The following PRRC1 variants were observed in gnomAD, a reference collection of about 807,000 sequenced individuals.
PRRC1 encodes the protein proline rich coiled-coil 1.
A neutral mutation model predicts 40.7 loss-of-function variants in PRRC1; 39 were observed. The observed-to-expected ratio is 0.96, with a 90% CI of 0.74 to 1.25. The LOEUF is 1.25. PRRC1 is among the 50% of genes most tolerant of loss of function. PRRC1 has a pLI of 0.00. For missense variants in PRRC1, 573 were observed against 548.3 expected (o/e 1.05, Z -0.45); for synonymous variants, 175 against 193.3 (o/e 0.91, Z 0.79).
chr5:127,523,092 A>C (rs546501750), intron 1 of PRRC1, among the ~76,000 whole-genome samples: 1 of 152,290 alleles, frequency 6.6e-6, no homozygotes, highest in South Asian at 2.1e-4. Context: ...GATTATAGGC[A>C]TGGGACACCA....
chr5:127,552,785 A>C lies in PRRC1; in HGVS notation c.*869A>C. 1 of 985,364 alleles carries C rather than the reference A, an allele frequency of 1.0e-6. No individual in the cohort carries two copies. Among genetic ancestry groups the C allele is most frequent in the Non-Finnish European group, 1.2e-6 (1 of 829,542 alleles). The allele number at this position is 985,364 out of a possible 1,614,324, so 61.0% of individuals were successfully genotyped here. ...ACACATTTTAATACAGAAATTTTTG[A>C]GAGGGGGTTACTTTATTGCTTGTGG... is the stretch of plus-strand genomic sequence containing the variant. On this transcript the variant is annotated 3_prime_UTR_variant, in exon 9 of 9. Transcript: ENST00000296666.
chr5:127,547,949 A>T (rs753314686), intron 8 of PRRC1, 28 bp downstream of exon 8: 1 of 1,394,282 alleles, frequency 7.2e-7, no homozygotes, highest in Non-Finnish European at 1.0e-6. Flanking sequence ...CTTTTTCATT[A>T]TGCTCCAGAG....
chr5:127,538,349 G>T (rs1267228501), intron 6 of PRRC1, among the ~76,000 whole-genome samples: 1 of 151,898 alleles, frequency 6.6e-6, no homozygotes, highest in Non-Finnish European at 1.5e-5. Context: ...CTTATCTTGC[G>T]TTTTGAACAC....
intron 4 of PRRC1, among the ~76,000 whole-genome samples, chr5:127,529,789 CTAG>C (rs1270830008): frequency 6.6e-6 from 1 of 151,948 alleles, no homozygotes; most frequent in Non-Finnish European, 1.5e-5. Context: ...AAAGAAGAAA[CTAG>C]TAGAAGATAG....
At chr5:127,519,217 G>T (rs148950449) in intron 1 of PRRC1, among the ~76,000 whole-genome samples, 8 of 152,278 alleles carry the variant, frequency 5.3e-5, no homozygotes, top group Non-Finnish European at 8.8e-5. Flanking sequence ...GGGAGCTTTG[G>T]TTGAGGAGTG....
At chr5:127,532,246 C>T (rs1166473152) in intron 5 of PRRC1, among the ~76,000 whole-genome samples, 1 of 151,844 alleles carries the variant, frequency 6.6e-6, no homozygotes, top group Non-Finnish European at 1.5e-5. Context: ...GTAGCTGGAC[C>T]TACAGGTGCA....
At chr5:127,526,896 G>A in intron 4 of PRRC1, 118 bp downstream of exon 4, 1 of 854,754 alleles carries the variant, frequency 1.2e-6, no homozygotes, top group Middle Eastern at 3.8e-4. Context: ...TTTTTTATTA[G>A]CAGTTTTCTG....
intron 5 of PRRC1, among the ~76,000 whole-genome samples, chr5:127,532,162 G>T (rs1196622991): frequency 6.6e-6 from 1 of 150,810 alleles, no homozygotes; most frequent in African/African-American, 2.4e-5. Context: ...AGGCTGGAGT[G>T]CAGTGGTGCA....
At chr5:127,543,065 C>T (rs1415727827) in intron 7 of PRRC1, among the ~76,000 whole-genome samples, 1 of 150,096 alleles carries the variant, frequency 6.7e-6, no homozygotes, top group East Asian at 2.0e-4. Context: ...TAGGGCAGGC[C>T]TGGTGGTGAC....
rs895957840 is a variant in PRRC1, at chr5:127,554,580, C to T, written c.*2664C>T. ...TCCTTTTGTTAGGTTTTTGAGACAA[C>T]CCTAGACCTAAACTGTGTCACAGAC... On this transcript the variant is annotated 3_prime_UTR_variant, in exon 9 of 9. Transcript: ENST00000296666. 6.6e-6 allele frequency: 1 copy of T among 152,254 alleles called. No individual in the cohort carries two copies. The highest frequency in any genetic ancestry group is 1.5e-5 in the Non-Finnish European group (1 of 68,030). The allele number at this position is 152,254 out of a possible 1,614,324, so 9.4% of individuals were successfully genotyped here.
intron 7 of PRRC1, among the ~76,000 whole-genome samples, chr5:127,541,561 T>G (rs1280212728): frequency 6.6e-6 from 1 of 152,156 alleles, no homozygotes; most frequent in Non-Finnish European, 1.5e-5. Context: ...ATCCTGTTAT[T>G]GGTCTATTCA....
intron 1 of PRRC1, among the ~76,000 whole-genome samples, chr5:127,519,108 G>A (rs541898930): frequency 6.6e-6 from 1 of 152,146 alleles, no homozygotes; most frequent in African/African-American, 2.4e-5. Context: ...TTAATGTTAG[G>A]GATTCTCTTA....
chr5:127,534,768 A>G (rs1474047620), intron 6 of PRRC1, among the ~76,000 whole-genome samples: 1 of 151,918 alleles, frequency 6.6e-6, no homozygotes, highest in Non-Finnish European at 1.5e-5. Flanking sequence ...CTTCCTGTAG[A>G]CTCTTGATTT....
At position 127,552,241 on chromosome 5, in the gene PRRC1, T is replaced by C; in HGVS notation, c.*325T>C. On this transcript the variant is annotated 3_prime_UTR_variant, in exon 9 of 9. Coordinates refer to ENST00000296666, the MANE Select transcript of PRRC1 (RefSeq NM_130809.5). ...AGACATTTAACTTAATGCCATGTAC[T>C]TGATTATTTTGTTCTTTAAAGAAGA... 9.4e-7 allele frequency: 1 copy of C among 1,068,688 alleles called. No homozygotes were observed. The highest frequency in any genetic ancestry group is 1.1e-6 in the Non-Finnish European group (1 of 880,544). 66.2% of individuals were successfully genotyped at this position (1,068,688 alleles called of 1,614,324 possible).
At chr5:127,538,688 G>C (rs554026625) in intron 6 of PRRC1, among the ~76,000 whole-genome samples, 1 of 152,148 alleles carries the variant, frequency 6.6e-6, no homozygotes, top group Non-Finnish European at 1.5e-5. Flanking sequence ...TAAAAACTTT[G>C]TATGTAGTAA....
At chr5:127,518,685 A>G (rs954480640) in intron 1 of PRRC1, among the ~76,000 whole-genome samples, 4 of 151,996 alleles carry the variant, frequency 2.6e-5, no homozygotes, top group Non-Finnish European at 5.9e-5. Context: ...AAAGTTTATC[A>G]GAGCTTCACT....
At chr5:127,522,265 T>C (rs540970111) in intron 1 of PRRC1, among the ~76,000 whole-genome samples, 1 of 152,386 alleles carries the variant, frequency 6.6e-6, no homozygotes, top group South Asian at 2.1e-4. Context: ...GATGCTGCTA[T>C]CTAATGGCAT....
chr5:127,533,231 G>T (rs1177889569), intron 5 of PRRC1, among the ~76,000 whole-genome samples: 1 of 152,096 alleles, frequency 6.6e-6, no homozygotes, highest in African/African-American at 2.4e-5. Context: ...AGGTTAAAAA[G>T]TATATTTCAT....
chr5:127,544,201 C>G (rs576228188), intron 7 of PRRC1, among the ~76,000 whole-genome samples: 3 of 152,162 alleles, frequency 2.0e-5, no homozygotes, highest in Admixed American at 6.6e-5. Context: ...TTTCGTGAAC[C>G]GCGAATGCTG....
Sources: allele counts gnomAD v4.1 joint callset (sites outside exome capture counted in the v4.1 genomes callset), GRCh38; gene constraint gnomAD v4.1.1; transcripts MANE v1.5; gene names NCBI Gene and HGNC (gene_info 2026-07-23, HGNC 2026-07-21).